R3HCC1: variants seen among roughly 807,000 people sequenced by gnomAD.
R3HCC1 encodes the protein R3H domain and coiled-coil containing 1, also known as R3H and coiled-coil domain-containing protein 1.
A neutral mutation model predicts 40.0 loss-of-function variants in R3HCC1; 32 were observed. The observed-to-expected ratio is 0.80, with a 90% CI of 0.60 to 1.07. The LOEUF (loss-of-function observed/expected upper bound fraction) is 1.07. R3HCC1 is among the 50% of genes least tolerant of loss of function. R3HCC1 has a pLI of 0.00. For missense variants in R3HCC1, 586 were observed against 563.3 expected (o/e 1.04, Z -0.41); for synonymous variants, 237 against 232.8 (o/e 1.02, Z -0.17).
chr8:23,292,222 G>A (rs537968539), intron 5 of R3HCC1, among the ~76,000 whole-genome samples: 1 of 152,180 alleles, frequency 6.6e-6, no homozygotes, highest in South Asian at 2.1e-4. Context: ...CAACCTCCTG[G>A]GCTCAAGTGA....
In R3HCC1 at chr8:23,289,047, C is replaced by G; in HGVS notation, c.142C>G (p.Leu48Val). ...TCTTTTCCCCCCACTCTCCAGTCGC[C>G]TCCGGTACCTGATCCATAGAACAGC... The change falls in exon 3 of 8, where the codon CTC becomes GTC. Residue 48 changes from leucine to valine, a missense_variant. By Grantham distance (32) the Leu-to-Val change is conservative. Transcript: ENST00000265806. The G allele has an allele frequency of 6.5e-7, 1 of 1,536,674 alleles. No homozygotes were observed.
At chr8:23,288,675 G>C in intron 2 of R3HCC1, 42 bp downstream of exon 2, 2 of 1,529,576 alleles carry the variant, frequency 1.3e-6, no homozygotes, top group Non-Finnish European at 1.8e-6. Context: ...TTGCTGGGAA[G>C]GGCAGGGTTC....
At chr8:23,294,630 C>T (rs1434657904) in intron 6 of R3HCC1, 139 bp from the exon 7 acceptor site, 2 of 668,706 alleles carry the variant, frequency 3.0e-6, no homozygotes, top group East Asian at 2.8e-5. Context: ...CGTCTCTTGC[C>T]CATCCAGGGC....
rs139589834 is a variant in R3HCC1 at position 23,292,340 on chromosome 8, C to G, written c.1025+807C>G. On this transcript the variant is annotated intron_variant, in intron 5 of 7. Transcript: ENST00000265806. ...CTTTCTGTGGCTGGGCACGGTGGCT[C>G]ACGCCTGTAATCCCAGCACTTTGGG... is the stretch of plus-strand genomic sequence containing the variant. Among the ~76,000 whole-genome samples the G allele has an allele frequency of 1.8e-3, 275 of 152,232 alleles. 1 individual carries two copies. Among genetic ancestry groups the G allele is most frequent in the African/African-American group, 6.4e-3 (267 of 41,556 alleles).
Position 23,289,149 on chromosome 8 carries a change from A to G in R3HCC1, c.244A>G (p.Ile82Val), listed in dbSNP as rs1324883756. The G allele has an allele frequency of 1.3e-6, 2 of 1,536,188 alleles. No individual in the cohort carries two copies. The highest frequency in any genetic ancestry group is 1.2e-5 in the South Asian group (1 of 84,066). ...GAGGACGGTCATCTGTCACCAGGACATCAGGTGTGTAGCCTCCCACCTTGA... is the reference window on the plus strand; with the variant it reads ...GAGGACGGTCATCTGTCACCAGGACGTCAGGTGTGTAGCCTCCCACCTTGA... Residue 82 changes from isoleucine to valine, a missense_variant, in exon 3 of 8, where the codon ATC becomes GTC. By Grantham distance (29) the Ile-to-Val change is conservative. Transcript: ENST00000265806.
At chr8:23,288,288 C>A in intron 1 of R3HCC1, 131 bp downstream of exon 1, 2 of 1,112,128 alleles carry the variant, frequency 1.8e-6, no homozygotes, top group Non-Finnish European at 2.4e-6. Context: ...GTGGAGCCAC[C>A]CTCAGCATCC....
Position 23,289,978 on chromosome 8 carries a change from G to C in R3HCC1, c.361G>C (p.Gly121Arg). 1 of 1,536,586 alleles carries C rather than the reference G, an allele frequency of 6.5e-7. No individual in the cohort carries two copies. Among genetic ancestry groups the C allele is most frequent in the African/African-American group, 1.4e-5 (1 of 73,182 alleles). ...CCAAGGAGCAGCTGCGGTTCCCCGA[G>C]GTGCCCGGGCTGGCCGGTGGTATCG... Residue 121 changes from glycine to arginine, a missense_variant, in exon 4 of 8, where the codon GGT (glycine) becomes CGT (arginine). Gly to Arg is a moderately radical substitution (Grantham distance 125, BLOSUM62 -2). Transcript: ENST00000265806.
intron 7 of R3HCC1, 60 bp downstream of exon 7, chr8:23,294,924 T>TGTGTGTGTGTGC (rs780401758): frequency 1.8e-6 from 2 of 1,138,732 alleles, no homozygotes; most frequent in Non-Finnish European, 2.6e-6. Flanking sequence ...CGTGCGAGCA[T>TGTGTGTGTGTGC]GTGTGTGTGT....
At chr8:23,293,797 AC>A (rs1802926682) in intron 6 of R3HCC1, among the ~76,000 whole-genome samples, 1 of 152,024 alleles carries the variant, frequency 6.6e-6, no homozygotes, top group African/African-American at 2.4e-5. Flanking sequence ...AGGTCAGGTT[AC>A]CTCCATTGTA....
intron 7 of R3HCC1, among the ~76,000 whole-genome samples, chr8:23,295,172 CCTT>C (rs1414722803): frequency 1.3e-5 from 2 of 152,104 alleles, no homozygotes; most frequent in Non-Finnish European, 2.9e-5. Context: ...AAAGCTTGGT[CCTT>C]CTTCTGGAGG....
In R3HCC1 at chr8:23,288,550, CT is replaced by C; in HGVS notation, c.29del (p.Phe10SerfsTer42). 2 of 1,536,040 alleles carry C rather than the reference CT, an allele frequency of 1.3e-6. No homozygotes were observed. Among genetic ancestry groups the C allele is most frequent in the Non-Finnish European group, 1.7e-6 (2 of 1,146,872 alleles). Reference sequence around the variant, plus strand: ...TGGCCCTTCTCTGCTTGGATGGTGTCTTCCTCTCCTCAGCCGAGAATGACTT... The same window carrying C: ...TGGCCCTTCTCTGCTTGGATGGTGTCTCCTCTCCTCAGCCGAGAATGACTT... On this transcript the variant is annotated frameshift_variant, in exon 2 of 8. Transcript: ENST00000265806. LOFTEE classifies it high-confidence loss of function.
intron 7 of R3HCC1, 187 bp from the exon 8 acceptor site, chr8:23,295,780 G>T: frequency 1.1e-5 from 9 of 807,570 alleles, no homozygotes; most frequent in Non-Finnish European, 1.7e-5. Context: ...CATCCCCTGG[G>T]GGGCCAGGAT....
Position 23,296,217 on chromosome 8 carries a change from G to A in R3HCC1, c.*120G>A, listed in dbSNP as rs904808685. 4 of 1,216,274 alleles carry A rather than the reference G, an allele frequency of 3.3e-6. No homozygotes were observed. Among genetic ancestry groups the A allele is most frequent in the Middle Eastern group, 2.9e-4 (1 of 3,420 alleles). The allele number at this position is 1,216,274 out of a possible 1,614,324, so 75.3% of individuals were successfully genotyped here. Reference sequence around the variant, plus strand: ...ACCCTCGAGCTTCACCATGGGGTGTGGTGGGCTTTAGTTTAGTCCCAGAAA... The same window carrying A: ...ACCCTCGAGCTTCACCATGGGGTGTAGTGGGCTTTAGTTTAGTCCCAGAAA... On this transcript the variant is annotated 3_prime_UTR_variant, in exon 8 of 8. Coordinates refer to ENST00000265806, the MANE Select transcript of R3HCC1 (RefSeq NM_001136108.3).
chr8:23,291,709 G>T (rs528654717), intron 5 of R3HCC1, among the ~76,000 whole-genome samples, 176 bp downstream of exon 5: 1 of 152,230 alleles, frequency 6.6e-6, no homozygotes, highest in African/African-American at 2.4e-5. Context: ...GCCGTCCCTC[G>T]GGAAAGAGAG....
intron 7 of R3HCC1, among the ~76,000 whole-genome samples, chr8:23,295,258 C>T (rs1466443562): frequency 1.3e-5 from 2 of 152,122 alleles, no homozygotes; most frequent in African/African-American, 4.8e-5. Context: ...CCCCAAATGG[C>T]TCTGTCAGTT....
intron 5 of R3HCC1, among the ~76,000 whole-genome samples, chr8:23,292,889 A>G (rs910916495): frequency 2.0e-5 from 3 of 152,228 alleles, no homozygotes; most frequent in African/African-American, 7.2e-5. Context: ...TAAAGCTGAC[A>G]GGAGCATGGT....
Position 23,289,001 on chromosome 8 carries a change from C to G in R3HCC1, c.111-15C>G. 2 of 1,536,270 alleles carry G rather than the reference C, an allele frequency of 1.3e-6. No homozygotes were observed. Among genetic ancestry groups the G allele is most frequent in the Non-Finnish European group, 1.7e-6 (2 of 1,146,840 alleles). ...CCTGGACACCTGCTCAGCACTTCTTCCCCTCCCTCCCCAGGGTTCTTCTTT... is the reference window on the plus strand; with the variant it reads ...CCTGGACACCTGCTCAGCACTTCTTGCCCTCCCTCCCCAGGGTTCTTCTTT... On this transcript the variant is annotated splice_polypyrimidine_tract_variant and intron_variant, in intron 2 of 7. Transcript: ENST00000265806.
rs535910434 is a variant in R3HCC1, at chr8:23,291,035, G to T, written c.853-326G>T. ...CCCAGCTCTGCCTCTTACTGACTTT[G>T]CACTTTGGGAAAAATTACTTAACTC... On this transcript the variant is annotated intron_variant, in intron 4 of 7. Coordinates refer to ENST00000265806, the MANE Select transcript of R3HCC1 (RefSeq NM_001136108.3). 78 of 233,510 alleles carry T rather than the reference G, an allele frequency of 3.3e-4. 1 individual carries two copies. The South Asian group carries it at 6.4e-3, about 19-fold the overall frequency. 14.5% of individuals were successfully genotyped at this position (233,510 alleles called of 1,614,324 possible). A position where few individuals can be genotyped will look rare whatever the true frequency, so the allele number is the denominator to read the frequency against.
chr8:23,295,817 A>G, intron 7 of R3HCC1, 150 bp from the exon 8 acceptor site: 1 of 1,199,610 alleles, frequency 8.3e-7, no homozygotes, highest in Non-Finnish European at 1.1e-6. Context: ...TCTCATGAGC[A>G]TCCGGCCACA....
Sources: gnomAD v4.1 joint callset for allele counts (sites outside exome capture counted in the v4.1 genomes callset) on GRCh38, gnomAD v4.1.1 for gene constraint, MANE v1.5 for transcripts, NCBI Gene and HGNC (gene_info 2026-07-23, HGNC 2026-07-21) for gene names.